The following OPCML variants were observed in gnomAD, a reference collection of about 807,000 sequenced individuals.
The protein encoded by OPCML is opioid binding protein/cell adhesion molecule like.
A neutral mutation model predicts 37.8 loss-of-function variants in OPCML; 13 were observed. The observed-to-expected ratio is 0.34, with a 90% CI of 0.22 to 0.55. The LOEUF (loss-of-function observed/expected upper bound fraction) is 0.55, where lower values mean the gene tolerates loss of function less well. Ranked by LOEUF, OPCML falls within the 20% of genes least tolerant of loss-of-function variation. The pLI is 0.91. For synonymous variants in OPCML, 176 were observed against 168.8 expected (o/e 1.04, Z -0.33); for missense variants, 341 against 435.6 (o/e 0.78, Z 1.93).
rs915098314 is a variant in OPCML, at chr11:133,206,834, C to T, written c.62-263824G>A. Among the ~76,000 whole-genome samples, 2 of 152,162 alleles carry T rather than the reference C, an allele frequency of 1.3e-5. No homozygotes were observed. Among genetic ancestry groups the T allele is most frequent in the Non-Finnish European group, 2.9e-5 (2 of 68,034 alleles). Reference sequence around the variant, plus strand: ...CCCACGCTTACCCTCCACACTCTCACGATGTCCACACAGCTACGGTGACCT... The same window carrying T: ...CCCACGCTTACCCTCCACACTCTCATGATGTCCACACAGCTACGGTGACCT... On this transcript the variant is annotated intron_variant, in intron 1 of 7. Transcript: ENST00000524381. This position sits in a 1 kb window ranked among gnomAD's most constrained non-coding sequence, Gnocchi z 4.7.
At chr11:132,860,750 C>T (rs1175689265) in intron 2 of OPCML, 4 of 152,148 alleles carry the variant, frequency 2.6e-5, no homozygotes, top group Admixed American at 6.5e-5. Flanking sequence ...ACCAGAAAAG[C>T]TAGATTCACG....
chr11:132,665,188 A>G (rs1048426013), intron 2 of OPCML, among the ~76,000 whole-genome samples: 4 of 152,212 alleles, frequency 2.6e-5, no homozygotes, highest in African/African-American at 9.6e-5. Flanking sequence ...GAGGACATAG[A>G]GTAGTGGAAA....
intron 1 of OPCML, among the ~76,000 whole-genome samples, chr11:133,370,702 C>T (rs1274449631): frequency 6.6e-6 from 1 of 151,720 alleles, no homozygotes; most frequent in African/African-American, 2.4e-5. Flanking sequence ...GTATTAAGAC[C>T]CCAAACTGTA....
chr11:133,140,580 G>GAAGAA (rs2137160246), intron 1 of OPCML, among the ~76,000 whole-genome samples: 1 of 116,124 alleles, frequency 8.6e-6, no homozygotes, highest in African/African-American at 3.1e-5. Context: ...GAAGAAGAAA[G>GAAGAA]AAGAAAAAAG....
chr11:132,879,963 C>T (rs1943165728), intron 2 of OPCML, among the ~76,000 whole-genome samples: 1 of 152,162 alleles, frequency 6.6e-6, no homozygotes, highest in Non-Finnish European at 1.5e-5. Flanking sequence ...ACCTGCCAAG[C>T]ACATTCTTTC....
intron 1 of OPCML, among the ~76,000 whole-genome samples, chr11:133,117,150 G>A (rs552594075): frequency 1.3e-5 from 2 of 152,044 alleles, no homozygotes; most frequent in East Asian, 3.9e-4. Flanking sequence ...TTGGTTAATG[G>A]GAGTCCCTTC....
intron 1 of OPCML, among the ~76,000 whole-genome samples, chr11:133,110,096 T>C (rs947333457): frequency 6.6e-6 from 1 of 152,206 alleles, no homozygotes; most frequent in African/African-American, 2.4e-5. Flanking sequence ...AGGACAACCC[T>C]GTACCTATAA....
chr11:132,477,996 A>G (rs1230317294), intron 4 of OPCML, among the ~76,000 whole-genome samples: 1 of 152,220 alleles, frequency 6.6e-6, no homozygotes, highest in Non-Finnish European at 1.5e-5. Flanking sequence ...ATTTTTAAAT[A>G]TATGGAGGGT....
At chr11:133,458,837 A>T (rs1372887139) in intron 1 of OPCML, among the ~76,000 whole-genome samples, 1 of 150,830 alleles carries the variant, frequency 6.6e-6, no homozygotes, top group Non-Finnish European at 1.5e-5. Context: ...GTGTGTATAT[A>T]CACATAGATG....
chr11:132,847,011 A>G (rs1345312381), intron 2 of OPCML, among the ~76,000 whole-genome samples: 13 of 152,218 alleles, frequency 8.5e-5, no homozygotes. Flanking sequence ...GTTCCCCCCA[A>G]TGCCTGTAAA....
chr11:133,293,607 C>T (rs1350209249), intron 1 of OPCML, among the ~76,000 whole-genome samples: 2 of 152,116 alleles, frequency 1.3e-5, no homozygotes, highest in Non-Finnish European at 2.9e-5. Context: ...AGAGAGTAAA[C>T]GGATCTGAGT....
chr11:133,037,010 G>A (rs767935606), intron 1 of OPCML, among the ~76,000 whole-genome samples: 11 of 152,050 alleles, frequency 7.2e-5, no homozygotes, highest in East Asian at 3.9e-4. Context: ...TGTTTCTCCC[G>A]GCCACCCTGG....
rs568295804 is a variant in OPCML at position 133,458,060 on chromosome 11, C to T, written c.61+74204G>A. 3.9e-5 allele frequency among the ~76,000 whole-genome samples: 6 copies of T among 151,980 alleles called. No individual in the cohort carries two copies. The East Asian group carries it at 9.7e-4, about 25-fold the overall frequency. On this transcript the variant is annotated intron_variant, in intron 1 of 7. Transcript: ENST00000524381. ...ACTTGGGAAGCTGAGGCAGTAGAAT[C>T]GCTTGAACCCAGGAGGCAGAGGTTG...
intron 3 of OPCML, among the ~76,000 whole-genome samples, chr11:132,651,355 C>A (rs1334529259): frequency 6.6e-6 from 1 of 152,158 alleles, no homozygotes; most frequent in African/African-American, 2.4e-5. Context: ...TCTATTCTGT[C>A]ATGTGGGGCT....
At chr11:133,514,598 G>A (rs1948223957) in intron 1 of OPCML, among the ~76,000 whole-genome samples, 1 of 152,058 alleles carries the variant, frequency 6.6e-6, no homozygotes, top group Non-Finnish European at 1.5e-5. Context: ...TAAATATTTA[G>A]GACAATTCTC....
chr11:132,754,060 G>T (rs1395336374), intron 2 of OPCML, among the ~76,000 whole-genome samples: 1 of 152,204 alleles, frequency 6.6e-6, no homozygotes, highest in African/African-American at 2.4e-5. Context: ...CCTGGGCTGA[G>T]AGTGCCAGCT....
chr11:132,995,294 T>C (rs1946861008), intron 1 of OPCML, among the ~76,000 whole-genome samples: 1 of 152,132 alleles, frequency 6.6e-6, no homozygotes. Context: ...CTGTGCTCGT[T>C]TATGAAGGCA....
chr11:133,500,599 G>A (rs1947889912), intron 1 of OPCML, among the ~76,000 whole-genome samples: 1 of 152,160 alleles, frequency 6.6e-6, no homozygotes, highest in Non-Finnish European at 1.5e-5. Context: ...CCCATTAAGG[G>A]ACCAGGAGAC....
intron 4 of OPCML, among the ~76,000 whole-genome samples, chr11:132,521,554 A>G (rs925056904): frequency 1.3e-5 from 2 of 152,028 alleles, no homozygotes; most frequent in African/African-American, 4.8e-5. Context: ...AAAACCAAAT[A>G]CTGCATGTTC....
Sources: allele counts gnomAD v4.1 joint callset (sites outside exome capture counted in the v4.1 genomes callset), GRCh38; gene constraint gnomAD v4.1.1; non-coding constraint Gnocchi (gnomAD v3.1); transcripts MANE v1.5; gene names NCBI Gene and HGNC (gene_info 2026-07-23, HGNC 2026-07-21).